The following PTPRM variants were observed in gnomAD, a reference collection of about 807,000 sequenced individuals.
PTPRM encodes the protein receptor-type tyrosine-protein phosphatase mu.
A neutral mutation model predicts 186.7 loss-of-function variants in PTPRM; 47 were observed. That is an observed-to-expected ratio of 0.25 (90% CI 0.20 to 0.32). PTPRM has a LOEUF of 0.32. Among genes scored for constraint, PTPRM ranks in the 10% least tolerant of loss-of-function variants. The pLI is 1.00. For missense variants in PTPRM, 1,494 were observed against 1,865.0 expected (o/e 0.80, Z 3.66); for synonymous variants, 668 against 674.9 (o/e 0.99, Z 0.16).
At chr18:7,907,187 C>T (rs2050028792) in intron 4 of PTPRM, among the ~76,000 whole-genome samples, 1 of 152,182 alleles carries the variant, frequency 6.6e-6, no homozygotes, top group Non-Finnish European at 1.5e-5. Context: ...GAACCTTTTT[C>T]CTTAAATAAA....
chr18:8,057,590 C>G (rs1333658017), intron 7 of PTPRM, among the ~76,000 whole-genome samples: 49 of 124,592 alleles, frequency 3.9e-4, no homozygotes, highest in Non-Finnish European at 6.7e-4. Context: ...TCTCCCAATG[C>G]TATCCCTCCC....
chr18:7,937,982 AT>A (rs1231539632), intron 5 of PTPRM, among the ~76,000 whole-genome samples: 2 of 151,964 alleles, frequency 1.3e-5, no homozygotes, highest in Non-Finnish European at 2.9e-5. Context: ...CTAGGTGTAT[AT>A]TTTCCATTTT....
At chr18:7,926,434 A>G in intron 4 of PTPRM, 134 bp from the exon 5 acceptor site, 1 of 518,970 alleles carries the variant, frequency 1.9e-6, no homozygotes, top group South Asian at 3.4e-5. Flanking sequence ...TTTAAAGCTT[A>G]TATAAGCAAA....
chr18:7,810,777 T>C (rs575154009), intron 2 of PTPRM, among the ~76,000 whole-genome samples: 1 of 152,362 alleles, frequency 6.6e-6, no homozygotes, highest in Admixed American at 6.5e-5. Context: ...CTATTTTATA[T>C]AAATTCAGCT....
intron 11 of PTPRM, 105 bp downstream of exon 11, chr18:8,088,956 C>A: frequency 3.6e-6 from 3 of 828,898 alleles, no homozygotes; most frequent in South Asian, 3.2e-5. Context: ...TCTCAGCCAG[C>A]ATGTAAATCC....
intron 1 of PTPRM, among the ~76,000 whole-genome samples, chr18:7,711,406 C>G (rs2040210740): frequency 1.3e-5 from 2 of 152,196 alleles, no homozygotes; most frequent in Non-Finnish European, 1.5e-5. Flanking sequence ...ACTGGGCAGC[C>G]ATTTGGGCAG....
intron 1 of PTPRM, among the ~76,000 whole-genome samples, chr18:7,601,800 C>T (rs577798467): frequency 1.3e-5 from 2 of 152,266 alleles, no homozygotes; most frequent in South Asian, 2.1e-4. Flanking sequence ...CTGCTACACC[C>T]GGGTAACAGT....
At chr18:7,595,508 A>C (rs552831342) in intron 1 of PTPRM, among the ~76,000 whole-genome samples, 1 of 152,318 alleles carries the variant, frequency 6.6e-6, no homozygotes, top group South Asian at 2.1e-4. Flanking sequence ...TTAGGGGGAC[A>C]ATAATGAGAT....
chr18:8,037,867 T>C (rs1485132199), intron 7 of PTPRM, among the ~76,000 whole-genome samples: 1 of 152,104 alleles, frequency 6.6e-6, no homozygotes, highest in Non-Finnish European at 1.5e-5. Flanking sequence ...CGAGCCATAG[T>C]GTTGTATGTT....
At position 8,195,918 on chromosome 18, in the gene PTPRM, CCT is replaced by C. The variant is rs371159632; in HGVS notation, c.2301-48138_2301-48137del. On this transcript the variant is annotated intron_variant, in intron 14 of 32. Transcript: ENST00000580170. The stretch of plus-strand genomic sequence containing the variant: ...AAAAAATAAAGACAAAAAAATCAAT[CCT>C]CACATCATATGAGAAAAAATGAAAA... 1.2e-4 allele frequency among the ~76,000 whole-genome samples: 18 copies of C among 152,268 alleles called. No homozygotes were observed. The East Asian group carries it at 3.5e-3, about 29-fold the overall frequency.
chr18:7,852,504 G>A lies in PTPRM; in HGVS notation c.197-35602G>A, dbSNP rs145933683. Among the ~76,000 whole-genome samples the A allele has an allele frequency of 8.8e-3, 1,340 of 152,022 alleles. 20 individuals are homozygous for A. Among genetic ancestry groups the A allele is most frequent in the East Asian group, 0.067 (346 of 5,154 alleles). On this transcript the variant is annotated intron_variant, in intron 2 of 32. Transcript: ENST00000580170. ...AGATCGAGACCATCCTGGCTAACAC[G>A]GTGAAACCACATCTCTACTAAAAAT...
intron 2 of PTPRM, among the ~76,000 whole-genome samples, chr18:7,838,141 G>T (rs921551590): frequency 6.6e-6 from 1 of 152,136 alleles, no homozygotes; most frequent in Admixed American, 6.5e-5. Context: ...ACATGGCTGG[G>T]GAGGCCTCAG....
chr18:7,697,115 A>G (rs2039861595), intron 1 of PTPRM, among the ~76,000 whole-genome samples: 1 of 152,228 alleles, frequency 6.6e-6, no homozygotes, highest in Non-Finnish European at 1.5e-5. Context: ...CATATGTGCC[A>G]TTTTATCACT....
chr18:7,711,693 C>T (rs910575093), intron 1 of PTPRM, among the ~76,000 whole-genome samples: 1 of 152,144 alleles, frequency 6.6e-6, no homozygotes, highest in Non-Finnish European at 1.5e-5. Context: ...GTTTTCCCCT[C>T]ACAGTGTGTA....
chr18:7,937,570 C>T (rs1294189637), intron 5 of PTPRM, among the ~76,000 whole-genome samples: 1 of 152,208 alleles, frequency 6.6e-6, no homozygotes. Context: ...CCAAGTGGGC[C>T]CGCTGGGCCC....
At chr18:7,681,762 T>G (rs548339093) in intron 1 of PTPRM, among the ~76,000 whole-genome samples, 1 of 152,284 alleles carries the variant, frequency 6.6e-6, no homozygotes, top group South Asian at 2.1e-4. Context: ...TCTAACATTA[T>G]TTTTTTCATT....
At chr18:7,871,033 A>G (rs1027403848) in intron 2 of PTPRM, among the ~76,000 whole-genome samples, 3 of 152,224 alleles carry the variant, frequency 2.0e-5, no homozygotes, top group Admixed American at 6.5e-5. Context: ...ATAAAAGCAA[A>G]ACACCAAGCT....
In PTPRM at chr18:8,244,069, A is replaced by G; in HGVS notation, c.2312A>G (p.Lys771Arg). The change falls in exon 15 of 33, where the codon AAG becomes AGG. Residue 771 changes from lysine (K) to arginine (R), a missense_variant. Physicochemically the swap from Lys to Arg is conservative, Grantham distance 26 (BLOSUM62 2). Transcript: ENST00000580170. ...TTCTTTATCCTAAGGAAACTGGCCAAGAAGCGGAAAGAGACCATGAGCAGC... is the reference window on the plus strand; with the variant it reads ...TTCTTTATCCTAAGGAAACTGGCCAGGAAGCGGAAAGAGACCATGAGCAGC... ...VLVMKKRKLA[K>R]KRKETMSSTR... 6.2e-7 allele frequency: 1 copy of G among 1,608,834 alleles called. No homozygotes were observed. Among genetic ancestry groups the G allele is most frequent in the Non-Finnish European group, 8.5e-7 (1 of 1,178,488 alleles).
chr18:7,630,012 A>T (rs1239542934), intron 1 of PTPRM, among the ~76,000 whole-genome samples: 1 of 152,060 alleles, frequency 6.6e-6, no homozygotes, highest in Non-Finnish European at 1.5e-5. Flanking sequence ...GTAAGAGGGT[A>T]TTCAGGGTGG....
Sources: gnomAD v4.1 joint callset for allele counts (sites outside exome capture counted in the v4.1 genomes callset) on GRCh38, gnomAD v4.1.1 for gene constraint, MANE v1.5 for transcripts, NCBI Gene and HGNC (gene_info 2026-07-23, HGNC 2026-07-21) for gene names.